The following CNIH3 variants were observed in gnomAD, a reference collection of about 807,000 sequenced individuals.
The protein encoded by CNIH3 is cornichon family AMPA receptor auxiliary protein 3.
In CNIH3, 14 loss-of-function variants were observed where a neutral mutation model predicts 24.1. That is an observed-to-expected ratio of 0.58 (90% CI 0.38 to 0.91). The LOEUF (loss-of-function observed/expected upper bound fraction) is 0.91, where lower values mean the gene tolerates loss of function less well. Among genes scored for constraint, CNIH3 ranks in the 40% least tolerant of loss-of-function variants. CNIH3 has a pLI of 0.00. For missense variants in CNIH3, 178 were observed against 196.8 expected (o/e 0.90, Z 0.57); for synonymous variants, 68 against 73.8 (o/e 0.92, Z 0.40).
chr1:224,738,873 A>G (rs940396002), intron 5 of CNIH3, among the ~76,000 whole-genome samples: 7 of 152,136 alleles, frequency 4.6e-5, no homozygotes, highest in Non-Finnish European at 7.3e-5. Context: ...TGGCCTTTGC[A>G]GTAGTGATGA....
At chr1:224,492,632 T>C (rs1298564440) in intron 1 of CNIH3, among the ~76,000 whole-genome samples, 1 of 152,224 alleles carries the variant, frequency 6.6e-6, no homozygotes, top group African/African-American at 2.4e-5. Flanking sequence ...GTTTAACATA[T>C]ATACAAAGAA....
At chr1:224,613,636 C>T (rs1682801257), upstream of CNIH3, among the ~76,000 whole-genome samples, 2 of 152,126 alleles carry the variant, frequency 1.3e-5, no homozygotes, top group African/African-American at 2.4e-5. Context: ...GTGCTGTCCT[C>T]GCAATAAAGA....
chr1:224,677,271 G>C (rs549709080), intron 1 of CNIH3, among the ~76,000 whole-genome samples: 1 of 152,152 alleles, frequency 6.6e-6, no homozygotes, highest in Non-Finnish European at 1.5e-5. Flanking sequence ...TATTACAATC[G>C]TCTTGATAGC....
intron 3 of CNIH3, among the ~76,000 whole-genome samples, chr1:224,686,864 C>T (rs1224942697): frequency 6.6e-6 from 1 of 152,196 alleles, no homozygotes; most frequent in Non-Finnish European, 1.5e-5. Context: ...TTACTTTTTG[C>T]AGATTTGCAT....
intron 3 of CNIH3, among the ~76,000 whole-genome samples, chr1:224,561,570 G>A (rs1680374500): frequency 1.3e-5 from 2 of 152,118 alleles, no homozygotes; most frequent in South Asian, 4.1e-4. Flanking sequence ...GCTCGATGTG[G>A]CCTCTTCTAA....
At chr1:224,631,497 A>G (rs947496446) in intron 1 of CNIH3, among the ~76,000 whole-genome samples, 3 of 151,548 alleles carry the variant, frequency 2.0e-5, no homozygotes, top group Non-Finnish European at 4.4e-5. Flanking sequence ...CTTTTCTCTC[A>G]TTTCTTTTTC....
intron 1 of CNIH3, among the ~76,000 whole-genome samples, chr1:224,486,018 A>G (rs994412099): frequency 5.9e-5 from 9 of 151,954 alleles, no homozygotes; most frequent in Non-Finnish European, 7.4e-5. Flanking sequence ...GTGGTTTATT[A>G]TCCAGGTGAG....
chr1:224,722,654 G>A (rs887766197), intron 3 of CNIH3, among the ~76,000 whole-genome samples: 7 of 152,274 alleles, frequency 4.6e-5, no homozygotes, highest in Middle Eastern at 6.8e-3. Flanking sequence ...GATCTACTGC[G>A]TCTGAAACTT....
chr1:224,690,491 G>A (rs536251759), intron 3 of CNIH3, among the ~76,000 whole-genome samples: 12 of 152,290 alleles, frequency 7.9e-5, no homozygotes, highest in African/African-American at 2.6e-4. Flanking sequence ...GTGATTACAG[G>A]CACCCGGCCC....
At chr1:224,663,712 T>C (rs977798349) in intron 1 of CNIH3, among the ~76,000 whole-genome samples, 9 of 152,238 alleles carry the variant, frequency 5.9e-5, no homozygotes, top group Non-Finnish European at 1.3e-4. Context: ...TCCCCTCGTC[T>C]GGTACCCATA....
At chr1:224,617,551 C>T (rs1003134859) in intron 1 of CNIH3, among the ~76,000 whole-genome samples, 1 of 152,230 alleles carries the variant, frequency 6.6e-6, no homozygotes, top group African/African-American at 2.4e-5. Context: ...TAACCCCTTC[C>T]TCTCCCGCCC....
At chr1:224,501,523 ATATTTT>A (rs1006408999) in intron 1 of CNIH3, among the ~76,000 whole-genome samples, 1 of 112,258 alleles carries the variant, frequency 8.9e-6, no homozygotes, top group African/African-American at 3.1e-5. Context: ...ATATATATAT[ATATTTT>A]TTTTTTTTAA....
chr1:224,534,028 G>T (rs947097119), intron 2 of CNIH3, among the ~76,000 whole-genome samples: 1 of 152,158 alleles, frequency 6.6e-6, no homozygotes, highest in African/African-American at 2.4e-5. Flanking sequence ...AGGTGGGCAT[G>T]GTGGCACATG....
chr1:224,458,391 T>C lies in CNIH3; in HGVS notation n.203+23529T>C, dbSNP rs1675766722. Among the ~76,000 whole-genome samples, 1 of 152,178 alleles carries C rather than the reference T, an allele frequency of 6.6e-6. No homozygotes were observed. The highest frequency in any genetic ancestry group is 2.1e-4 in the South Asian group (1 of 4,826). On this transcript the variant is annotated intron_variant and non_coding_transcript_variant, in intron 1 of 5. Transcript: ENST00000471578. This position sits in a 1 kb window ranked among gnomAD's most constrained non-coding sequence, Gnocchi z 4.3. ...GGGGCTCTGGCTCACTCCCCGTCCC[T>C]CATCCTACCAGGTGTGAGGCTGCCA...
chr1:224,699,337 A>G (rs1274047604), intron 3 of CNIH3, among the ~76,000 whole-genome samples: 1 of 152,200 alleles, frequency 6.6e-6, no homozygotes, highest in Admixed American at 6.5e-5. Context: ...GTCTTGAGAG[A>G]AAGAACCTTC....
intron 1 of CNIH3, among the ~76,000 whole-genome samples, chr1:224,475,732 C>T (rs7539200): frequency 0.54 from 81,520 of 151,618 alleles, 25,262 homozygotes; most frequent in East Asian, 0.93. Context: ...AAACCTAATA[C>T]TTGTAAACTA....
At chr1:224,500,686 A>G (rs1222609536) in intron 1 of CNIH3, among the ~76,000 whole-genome samples, 3 of 152,092 alleles carry the variant, frequency 2.0e-5, no homozygotes, top group Non-Finnish European at 2.9e-5. Flanking sequence ...AAAGAAAAAA[A>G]AAAAAGAATG....
intron 1 of CNIH3, among the ~76,000 whole-genome samples, chr1:224,500,229 T>G (rs1341792108): frequency 6.6e-6 from 1 of 151,458 alleles, no homozygotes; most frequent in Non-Finnish European, 1.5e-5. Flanking sequence ...CAGACTGGTC[T>G]CTTGAACTCC....
At chr1:224,700,286 A>G (rs1401817092) in intron 3 of CNIH3, among the ~76,000 whole-genome samples, 1 of 152,180 alleles carries the variant, frequency 6.6e-6, no homozygotes, top group African/African-American at 2.4e-5. Flanking sequence ...TAATGACCAC[A>G]TTTAACCTAA....
Sources: allele counts gnomAD v4.1 joint callset (sites outside exome capture counted in the v4.1 genomes callset), GRCh38; gene constraint gnomAD v4.1.1; non-coding constraint Gnocchi (gnomAD v3.1); transcripts MANE v1.5; gene names NCBI Gene and HGNC (gene_info 2026-07-23, HGNC 2026-07-21).